The following ANTXR1 variants were observed in gnomAD, a reference collection of about 807,000 sequenced individuals.
ANTXR1 encodes the protein ANTXR cell adhesion molecule 1.
In ANTXR1, 19 loss-of-function variants were observed where a neutral mutation model predicts 78.1. That is an observed-to-expected ratio of 0.24 (90% CI 0.17 to 0.36). The LOEUF is 0.36. Among genes scored for constraint, ANTXR1 ranks in the 10% least tolerant of loss-of-function variants. The probability of loss-of-function intolerance (pLI) is 1.00; values close to 1 mark genes in which losing one functional copy is unlikely to be tolerated. For synonymous variants in ANTXR1, 273 were observed against 260.5 expected (o/e 1.05, Z -0.46); for missense variants, 518 against 718.6 (o/e 0.72, Z 3.19).
At chr2:69,105,183 C>A (rs1417496166) in intron 10 of ANTXR1, among the ~76,000 whole-genome samples, 2 of 152,206 alleles carry the variant, frequency 1.3e-5, no homozygotes, top group South Asian at 4.1e-4. Context: ...AATTTTATTT[C>A]TTTCTTGGGA....
At chr2:69,194,311 A>G (rs1319745841) in intron 17 of ANTXR1, among the ~76,000 whole-genome samples, 1 of 152,196 alleles carries the variant, frequency 6.6e-6, no homozygotes, top group African/African-American at 2.4e-5. Context: ...TGCATCTTCC[A>G]TCCATTTCTT....
chr2:69,177,146 G>A (rs1156450495), intron 14 of ANTXR1, among the ~76,000 whole-genome samples: 1 of 152,178 alleles, frequency 6.6e-6, no homozygotes, highest in Non-Finnish European at 1.5e-5. Flanking sequence ...GTGGAGTTGT[G>A]GAAACTCATG....
chr2:69,151,457 G>T (rs1295618381), intron 12 of ANTXR1, among the ~76,000 whole-genome samples: 1 of 152,006 alleles, frequency 6.6e-6, no homozygotes, highest in African/African-American at 2.4e-5. Context: ...GACACCAAGT[G>T]GGGTCTCTGT....
intron 16 of ANTXR1, among the ~76,000 whole-genome samples, chr2:69,187,395 A>G (rs1167570624): frequency 6.6e-6 from 1 of 151,916 alleles, no homozygotes; most frequent in Non-Finnish European, 1.5e-5. Context: ...GCCCAGCTAT[A>G]TGGGCAAATT....
chr2:69,057,048 T>A (rs1207861290), intron 3 of ANTXR1, among the ~76,000 whole-genome samples: 2 of 151,010 alleles, frequency 1.3e-5, no homozygotes, highest in Non-Finnish European at 2.9e-5. Flanking sequence ...CTTAATGTCA[T>A]GTTTTTGAGA....
chr2:69,231,387 G>A (rs1022367733), intron 17 of ANTXR1, among the ~76,000 whole-genome samples: 3 of 151,566 alleles, frequency 2.0e-5, no homozygotes, highest in South Asian at 2.1e-4. Flanking sequence ...CACAGATCGG[G>A]ATCCTTCGCA....
At chr2:69,184,054 TACACACACTCACAC>T (rs1172132218) in intron 16 of ANTXR1, among the ~76,000 whole-genome samples, 1 of 103,450 alleles carries the variant, frequency 9.7e-6, no homozygotes, top group Non-Finnish European at 1.7e-5. Context: ...TCCATACACA[TACACACACTCACAC>T]ACACACACAC....
intron 16 of ANTXR1, among the ~76,000 whole-genome samples, chr2:69,186,700 A>G (rs983575971): frequency 6.6e-6 from 1 of 152,266 alleles, no homozygotes; most frequent in Non-Finnish European, 1.5e-5. Context: ...TCTTTAGTTG[A>G]CAATCTAAAT....
At chr2:69,241,206 C>A (rs762404479) in intron 17 of ANTXR1, among the ~76,000 whole-genome samples, 13 of 152,174 alleles carry the variant, frequency 8.5e-5, no homozygotes, top group Non-Finnish European at 1.3e-4. Flanking sequence ...GAGTTCCAAT[C>A]GTCCTAGCAA....
chr2:69,021,472 T>C (rs1198612477), intron 1 of ANTXR1, among the ~76,000 whole-genome samples: 1 of 152,176 alleles, frequency 6.6e-6, no homozygotes, highest in Non-Finnish European at 1.5e-5. Context: ...AGGGCTCTTC[T>C]TATGGTGATG....
At chr2:69,118,472 C>T (rs1052935508) in intron 10 of ANTXR1, among the ~76,000 whole-genome samples, 2 of 152,150 alleles carry the variant, frequency 1.3e-5, no homozygotes, top group South Asian at 4.1e-4. Flanking sequence ...ATAAAATTTT[C>T]ATTGAATGTC....
At chr2:69,232,019 A>T (rs11126229) in intron 17 of ANTXR1, among the ~76,000 whole-genome samples, 54,870 of 151,990 alleles carry the variant, frequency 0.36, 12,109 homozygotes, top group East Asian at 0.69. Flanking sequence ...ATTATTTGGG[A>T]TGGAAGATTT....
At chr2:69,179,634 C>T (rs1200241953) in intron 14 of ANTXR1, among the ~76,000 whole-genome samples, 1 of 152,072 alleles carries the variant, frequency 6.6e-6, no homozygotes, top group South Asian at 2.1e-4. Flanking sequence ...AGAACAAAAT[C>T]CAGACTGGCC....
chr2:69,052,512 G>C (rs1293931446), intron 3 of ANTXR1, among the ~76,000 whole-genome samples: 2 of 151,918 alleles, frequency 1.3e-5, no homozygotes, highest in Non-Finnish European at 2.9e-5. Context: ...TGGGTAGCCT[G>C]TTTTCTCTTC....
intron 8 of ANTXR1, among the ~76,000 whole-genome samples, chr2:69,086,912 C>T (rs572984160): frequency 1.3e-5 from 2 of 152,316 alleles, no homozygotes; most frequent in East Asian, 3.9e-4. Flanking sequence ...AGACAAAAAC[C>T]TTGTCAGTTT....
chr2:69,235,221 C>G (rs947182430), intron 17 of ANTXR1, among the ~76,000 whole-genome samples: 8 of 151,802 alleles, frequency 5.3e-5, no homozygotes, highest in African/African-American at 1.9e-4. Context: ...CAGGGTTTCT[C>G]CATGTTGGTC....
chr2:69,034,923 C>T (rs1025698726), intron 1 of ANTXR1, among the ~76,000 whole-genome samples: 5 of 152,028 alleles, frequency 3.3e-5, no homozygotes, highest in Non-Finnish European at 7.4e-5. Flanking sequence ...CTGCCATTTC[C>T]CCCAGCCAAC....
intron 17 of ANTXR1, among the ~76,000 whole-genome samples, chr2:69,227,657 T>C (rs1675489313): frequency 6.6e-6 from 1 of 152,212 alleles, no homozygotes; most frequent in African/African-American, 2.4e-5. Context: ...GGCAGCTCCA[T>C]GCTGTCAGGT....
At chr2:69,130,411 C>T (rs1362838699) in intron 12 of ANTXR1, among the ~76,000 whole-genome samples, 1 of 152,138 alleles carries the variant, frequency 6.6e-6, no homozygotes, top group Non-Finnish European at 1.5e-5. Context: ...AGAGAAATGC[C>T]ATTTGAATGA....
Sources: allele counts gnomAD v4.1 joint callset (sites outside exome capture counted in the v4.1 genomes callset), GRCh38; gene constraint gnomAD v4.1.1; transcripts MANE v1.5; gene names NCBI Gene and HGNC (gene_info 2026-07-23, HGNC 2026-07-21).